EXOC4: variants seen among roughly 807,000 people sequenced by gnomAD.
EXOC4 encodes exocyst complex component 4, also known as SEC8-like 1.
EXOC4 carries 71 observed loss-of-function variants against 107.2 expected under a neutral mutation model. The ratio of observed to expected loss-of-function variants is 0.66; its 90% CI spans 0.55 to 0.81. The LOEUF is 0.81. Ranked by LOEUF, EXOC4 falls within the 30% of genes least tolerant of loss-of-function variation. The probability of loss-of-function intolerance (pLI) is 0.00; values close to 1 mark genes in which losing one functional copy is unlikely to be tolerated. For missense variants in EXOC4, 1,108 were observed against 1,189.6 expected, an observed-to-expected ratio of 0.93 and a Z score of 1.01; for synonymous variants, 456 against 441.2, an observed-to-expected ratio of 1.03 and a Z score of -0.42.
intron 17 of EXOC4, among the ~76,000 whole-genome samples, chr7:134,049,341 G>A (rs959594686): frequency 8.6e-5 from 13 of 152,012 alleles, no homozygotes; most frequent in Admixed American, 1.3e-4. Flanking sequence ...TCTTAGCATG[G>A]CCCACAGGTC....
chr7:133,439,789 C>G (rs1239508924), intron 7 of EXOC4, among the ~76,000 whole-genome samples: 1 of 152,130 alleles, frequency 6.6e-6, no homozygotes, highest in Non-Finnish European at 1.5e-5. Flanking sequence ...TTATCAGTCT[C>G]TCAGCCCAGA....
chr7:133,881,262 AC>A (rs1020741299), intron 11 of EXOC4, among the ~76,000 whole-genome samples: 2 of 148,488 alleles, frequency 1.3e-5, no homozygotes, highest in South Asian at 2.1e-4. Flanking sequence ...ACGCATACAT[AC>A]CCCCCCAACC....
chr7:134,075,641 G>C, the EXOC4 span, among the ~76,000 whole-genome samples: 1 of 152,120 alleles, frequency 6.6e-6, no homozygotes, highest in Admixed American at 6.5e-5. Flanking sequence ...CCACACGTGG[G>C]GATTATGGGG....
Position 133,475,735 on chromosome 7 carries a change from A to G in EXOC4, c.1328+262A>G, listed in dbSNP as rs567127299. On this transcript the variant is annotated intron_variant, in intron 8 of 17. Coordinates refer to ENST00000253861, the MANE Select transcript of EXOC4 (RefSeq NM_021807.4). ...GGGGAGTTTTATTTAAAATTAAGAG[A>G]AATGAAACTCCCCAATTGTTTCTGG... Among the ~76,000 whole-genome samples, 8 of 152,302 alleles carry G rather than the reference A, an allele frequency of 5.3e-5. No individual in the cohort carries two copies. The South Asian group carries it at 1.7e-3, about 32-fold the overall frequency.
intron 7 of EXOC4, among the ~76,000 whole-genome samples, chr7:133,414,199 C>A (rs1180758953): frequency 6.6e-6 from 1 of 152,052 alleles, no homozygotes; most frequent in East Asian, 1.9e-4. Flanking sequence ...TAGGTGAATG[C>A]TTGAATGACC....
intron 10 of EXOC4, among the ~76,000 whole-genome samples, chr7:133,695,049 T>C (rs1176975408): frequency 2.0e-5 from 3 of 152,182 alleles, no homozygotes; most frequent in South Asian, 4.1e-4. Flanking sequence ...CTGGAACTCC[T>C]GACCTCAGGT....
chr7:133,795,448 A>C (rs1796794347), intron 10 of EXOC4, among the ~76,000 whole-genome samples: 1 of 152,178 alleles, frequency 6.6e-6, no homozygotes, highest in African/African-American at 2.4e-5. Context: ...AGCAACTAGG[A>C]AAACTGAGAA....
chr7:133,377,128 G>C (rs1437531972), intron 7 of EXOC4, among the ~76,000 whole-genome samples: 1 of 152,158 alleles, frequency 6.6e-6, no homozygotes, highest in Non-Finnish European at 1.5e-5. Context: ...GAGGTAGGTG[G>C]ATCATTTGAG....
intron 9 of EXOC4, among the ~76,000 whole-genome samples, chr7:133,525,235 T>G (rs773142755): frequency 6.6e-6 from 1 of 152,164 alleles, no homozygotes; most frequent in Non-Finnish European, 1.5e-5. Flanking sequence ...CTGAGCTGCC[T>G]TTTTCTTAGA....
rs117054413 is a variant in EXOC4, at chr7:133,845,185, C to G, written c.1734+27641C>G. Among the ~76,000 whole-genome samples the G allele has an allele frequency of 3.5e-3, 535 of 151,994 alleles. 8 individuals carry two copies. Among genetic ancestry groups the G allele is most frequent in the East Asian group, 0.032 (164 of 5,154 alleles). ...CTAGGTAGACATGTGCTTTATGTTG[C>G]TTTTCTAGTGCAAGAGCTGCAGTTT... On this transcript the variant is annotated intron_variant, in intron 11 of 17. Transcript: ENST00000253861.
intron 9 of EXOC4, among the ~76,000 whole-genome samples, chr7:133,628,134 GC>G (rs1802502260): frequency 6.7e-6 from 1 of 149,480 alleles, no homozygotes; most frequent in African/African-American, 2.5e-5. Flanking sequence ...TTTTGAGGAA[GC>G]CCACTAAATA....
chr7:133,356,420 G>T lies in EXOC4; in HGVS notation c.854G>T (p.Gly285Val). Residue 285 changes from glycine (G) to valine (V), a missense_variant, in exon 6 of 18, where the codon GGC (glycine) becomes GTC (valine). Transcript: ENST00000253861. ...CTGTTTATGGGTATCCTCATTAAGG[G>T]CTTGGCGAAACTGAAGAAGATCCCA... ...STLFMGILIK[G>V]LAKLKKIPET... The T allele has an allele frequency of 1.9e-6, 3 of 1,614,074 alleles. No individual in the cohort carries two copies. Among genetic ancestry groups the T allele is most frequent in the Non-Finnish European group, 2.5e-6 (3 of 1,180,000 alleles).
At chr7:133,920,215 A>G (rs751960885) in intron 13 of EXOC4, among the ~76,000 whole-genome samples, 4 of 152,240 alleles carry the variant, frequency 2.6e-5, no homozygotes, top group South Asian at 2.1e-4. Flanking sequence ...TTTTGCCTAC[A>G]TTTTAATTGG....
At position 133,836,122 on chromosome 7, in the gene EXOC4, A is replaced by G. The variant is rs1022594317; in HGVS notation, c.1734+18578A>G. ...GGAAATATAATATAGCAGACAGGCA[A>G]TGTTTTAACCAAACTCATACACATG... On this transcript the variant is annotated intron_variant, in intron 11 of 17. Transcript: ENST00000253861. Among the ~76,000 whole-genome samples the G allele has an allele frequency of 3.3e-5, 5 of 152,214 alleles. 1 individual carries two copies. Among genetic ancestry groups the G allele is most frequent in the Non-Finnish European group, 5.9e-5 (4 of 68,034 alleles).
At chr7:133,946,487 G>A (rs772565845) in intron 14 of EXOC4, among the ~76,000 whole-genome samples, 14 of 152,012 alleles carry the variant, frequency 9.2e-5, no homozygotes, top group Non-Finnish European at 1.6e-4. Context: ...CTAATGTTTT[G>A]TAGGAACAAA....
chr7:133,313,541 C>G lies in EXOC4; in HGVS notation c.657-3743C>G, dbSNP rs895268874. On this transcript the variant is annotated intron_variant, in intron 4 of 17. Transcript: ENST00000253861. ...TCACCTCTGTCAGTTTTTAGTTTCA[C>G]AAAATTAGCCAAATGAGTTGCAGTT... Among the ~76,000 whole-genome samples the G allele has an allele frequency of 1.3e-3, 204 of 152,152 alleles. 5 individuals are homozygous for G. Among genetic ancestry groups the G allele is most frequent in the Admixed American group, 0.013 (204 of 15,272 alleles).
intron 7 of EXOC4, among the ~76,000 whole-genome samples, chr7:133,421,436 T>C (rs1167047747): frequency 2.0e-5 from 3 of 152,112 alleles, no homozygotes; most frequent in African/African-American, 7.2e-5. Flanking sequence ...CGTAAAGAGA[T>C]TAGAATCCAA....
At chr7:133,896,500 A>C (rs760510023) in intron 12 of EXOC4, among the ~76,000 whole-genome samples, 2 of 123,484 alleles carry the variant, frequency 1.6e-5, no homozygotes, top group Non-Finnish European at 3.2e-5. Context: ...GGGCAGAAGG[A>C]ACAAAAAACA....
chr7:134,052,828 T>A (rs1255336461), intron 17 of EXOC4, among the ~76,000 whole-genome samples: 2 of 152,198 alleles, frequency 1.3e-5, no homozygotes, highest in Admixed American at 1.3e-4. Context: ...GGATTACAGA[T>A]CACTAGTGAA....
Sources: allele counts gnomAD v4.1 joint callset (sites outside exome capture counted in the v4.1 genomes callset), GRCh38; gene constraint gnomAD v4.1.1; transcripts MANE v1.5; gene names NCBI Gene and HGNC (gene_info 2026-07-23, HGNC 2026-07-21).